DOCK2: variants seen among roughly 807,000 people sequenced by gnomAD.
The protein encoded by DOCK2 is dedicator of cytokinesis protein 2.
A neutral mutation model predicts 248.9 loss-of-function variants in DOCK2; 87 were observed. That is an observed-to-expected ratio of 0.35 (90% CI 0.29 to 0.42). DOCK2 has a LOEUF of 0.42. Among genes scored for constraint, DOCK2 ranks in the 10% least tolerant of loss-of-function variants. DOCK2 has a pLI of 1.00. For missense variants in DOCK2, 1,747 were observed against 2,300.2 expected (o/e 0.76, Z 4.92); for synonymous variants, 805 against 821.6 (o/e 0.98, Z 0.35).
chr5:170,077,359 C>A (rs911221862), intron 47 of DOCK2, among the ~76,000 whole-genome samples: 2 of 152,192 alleles, frequency 1.3e-5, no homozygotes, highest in African/African-American at 4.8e-5. Context: ...GCTTAAAGCC[C>A]CAGCCCAGCC....
At chr5:169,910,297 G>A (rs1481177695) in intron 27 of DOCK2, among the ~76,000 whole-genome samples, 2 of 152,158 alleles carry the variant, frequency 1.3e-5, no homozygotes, top group Admixed American at 6.5e-5. Context: ...CCACCGCATG[G>A]AATATGTAAG....
chr5:169,688,186 A>C (rs551607944), intron 8 of DOCK2, among the ~76,000 whole-genome samples: 144 of 152,316 alleles, frequency 9.5e-4, no homozygotes, highest in African/African-American at 3.3e-3. Flanking sequence ...TTGGCCTTGC[A>C]AAGTGCTGGG....
intron 27 of DOCK2, chr5:169,875,098 C>T (rs1356425271): frequency 9.6e-6 from 4 of 417,810 alleles, no homozygotes; most frequent in East Asian, 7.1e-5. Flanking sequence ...GGCTATTTTA[C>T]AAGCAAGTAT....
chr5:170,048,431 T>C (rs931417287), intron 40 of DOCK2, among the ~76,000 whole-genome samples: 12 of 152,080 alleles, frequency 7.9e-5, no homozygotes, highest in Non-Finnish European at 5.9e-5. Context: ...AAAATAGCAC[T>C]AATAAACCCA....
At chr5:169,859,976 CTTTTTTTTTTTT>C (rs1294128568) in intron 27 of DOCK2, among the ~76,000 whole-genome samples, 40 of 85,988 alleles carry the variant, frequency 4.7e-4, no homozygotes, top group African/African-American at 1.7e-3. Context: ...TTTTTTTTTT[CTTTTTTTTTTTT>C]GAGACAGACT....
chr5:169,998,101 C>A (rs954402039), intron 30 of DOCK2: 4 of 454,506 alleles, frequency 8.8e-6, no homozygotes, highest in African/African-American at 2.0e-5. Flanking sequence ...CTGAGGATCA[C>A]CCCCACTCAC....
intron 27 of DOCK2, among the ~76,000 whole-genome samples, chr5:169,973,346 G>A (rs368517633): frequency 3.9e-5 from 6 of 152,104 alleles, no homozygotes; most frequent in Non-Finnish European, 8.8e-5. Flanking sequence ...ACACATCTCC[G>A]GCTGATCACA....
rs757764644 is a variant in DOCK2 at position 169,699,431 on chromosome 5, G to A, written c.1105G>A (p.Ala369Thr). The A allele has an allele frequency of 2.2e-5, 35 of 1,613,418 alleles. No individual in the cohort carries two copies. The Admixed American group carries it at 5.7e-4, about 26-fold the overall frequency. The change falls in exon 12 of 52, where the codon GCC (alanine) becomes ACC (threonine). Residue 369 changes from alanine to threonine, a missense_variant. By Grantham distance (58) the Ala-to-Thr change is moderately conservative. Coordinates refer to ENST00000520908, the MANE Select transcript of DOCK2 (RefSeq NM_004946.3). ...ACACAGCCTGCTGGGCAAAGTCATA[G>A]CCTCCAAGGGGGACAGTGGAGGGCA... is the stretch of plus-strand genomic sequence containing the variant. ...FLHSLLGKVI[A>T]SKGDSGGQGL... is the part of the protein sequence containing the mutation.
intron 26 of DOCK2, among the ~76,000 whole-genome samples, chr5:169,817,541 C>G (rs2113216561): frequency 6.6e-6 from 1 of 152,342 alleles, no homozygotes; most frequent in Middle Eastern, 3.4e-3. Context: ...CTAAGCCTCA[C>G]TCCCTGGTTA....
At chr5:169,732,534 G>A (rs1200693800) in intron 22 of DOCK2, among the ~76,000 whole-genome samples, 2 of 152,090 alleles carry the variant, frequency 1.3e-5, no homozygotes, top group Admixed American at 6.5e-5. Flanking sequence ...AGCACATCGG[G>A]AATCAAATTC....
At chr5:169,686,471 G>A (rs559064782) in intron 8 of DOCK2, among the ~76,000 whole-genome samples, 15 of 152,326 alleles carry the variant, frequency 9.8e-5, no homozygotes, top group African/African-American at 3.4e-4. Context: ...CAGGGAGAGT[G>A]GGGATGAACA....
intron 14 of DOCK2, among the ~76,000 whole-genome samples, chr5:169,703,456 CA>C (rs1375193163): frequency 1.3e-5 from 2 of 152,200 alleles, no homozygotes; most frequent in African/African-American, 4.8e-5. Flanking sequence ...ATAATGTTAG[CA>C]TATGTCAGAG....
Position 170,019,093 on chromosome 5 carries a change from T to C in DOCK2, c.3366T>C (p.Ser1122=). ...TGATGCTGTGTGAATATCAAAGAAG[T>C]GGGGATTTCAAAAAGGTAAAAAATG... The part of the protein sequence containing the change: ...FDMMLCEYQR[S]GDFKKFENEI... The change falls in exon 33 of 52, where the codon AGT becomes AGC. Residue 1122 remains serine, a synonymous_variant. Transcript: ENST00000520908. 1 of 1,613,938 alleles carries C rather than the reference T, an allele frequency of 6.2e-7. No individual in the cohort carries two copies. The highest frequency in any genetic ancestry group is 8.5e-7 in the Non-Finnish European group (1 of 1,179,904).
At chr5:169,702,495 T>A (rs1377780476) in intron 14 of DOCK2, 68 bp downstream of exon 14, 14 of 1,591,994 alleles carry the variant, frequency 8.8e-6, no homozygotes, top group Admixed American at 3.4e-5. Flanking sequence ...AAAGACGTAC[T>A]TTTCCTCTCC....
intron 1 of DOCK2, among the ~76,000 whole-genome samples, chr5:169,652,291 G>A (rs1461919133): frequency 6.6e-6 from 1 of 152,244 alleles, no homozygotes; most frequent in Non-Finnish European, 1.5e-5. Context: ...TCTTGGCTGG[G>A]TGGCCTTGTG....
chr5:169,822,984 A>C (rs1480392510), intron 26 of DOCK2, among the ~76,000 whole-genome samples: 1 of 152,258 alleles, frequency 6.6e-6, no homozygotes, highest in African/African-American at 2.4e-5. Context: ...AGAGAATACT[A>C]TAACCACCTC....
intron 27 of DOCK2, among the ~76,000 whole-genome samples, chr5:169,950,403 A>G (rs1362132539): frequency 6.6e-6 from 1 of 152,252 alleles, no homozygotes; most frequent in Non-Finnish European, 1.5e-5. Context: ...TCTCAGCATA[A>G]CAGTCTTTTT....
chr5:169,943,997 T>C (rs1293217599), intron 27 of DOCK2, among the ~76,000 whole-genome samples: 6 of 152,240 alleles, frequency 3.9e-5, no homozygotes, highest in Admixed American at 3.3e-4. Context: ...AATAGCATGG[T>C]GTGACTCTAT....
chr5:169,981,691 A>C (rs997425525), intron 27 of DOCK2, among the ~76,000 whole-genome samples: 2 of 152,206 alleles, frequency 1.3e-5, no homozygotes, highest in African/African-American at 4.8e-5. Flanking sequence ...ATCAGTCAGC[A>C]GCCATCAGCA....
Sources: gnomAD v4.1 joint callset for allele counts (sites outside exome capture counted in the v4.1 genomes callset) on GRCh38, gnomAD v4.1.1 for gene constraint, MANE v1.5 for transcripts, NCBI Gene and HGNC (gene_info 2026-07-23, HGNC 2026-07-21) for gene names.